The following TRPC7 variants were observed in gnomAD, a reference collection of about 807,000 sequenced individuals.
TRPC7 encodes transient receptor potential cation channel subfamily C member 7, also known as short transient receptor potential channel 7.
In TRPC7, 42 loss-of-function variants were observed where a neutral mutation model predicts 90.1. That is an observed-to-expected ratio of 0.47 (90% CI 0.36 to 0.60). TRPC7 has a LOEUF of 0.60. Among genes scored for constraint, TRPC7 ranks in the 20% least tolerant of loss-of-function variants. The probability of loss-of-function intolerance (pLI) is 0.00; values close to 1 mark genes in which losing one functional copy is unlikely to be tolerated. For synonymous variants in TRPC7, 451 were observed against 436.3 expected (o/e 1.03, Z -0.42); for missense variants, 955 against 1,112.3 (o/e 0.86, Z 2.01).
At chr5:136,365,159 G>A in intron 1 of TRPC7, 94 bp downstream of exon 1, 1 of 1,364,280 alleles carries the variant, frequency 7.3e-7, no homozygotes, top group Non-Finnish European at 1.0e-6. Flanking sequence ...GAGGAAGAAG[G>A]CTGATAAATG....
At chr5:136,313,921 G>A (rs968141924) in intron 3 of TRPC7, among the ~76,000 whole-genome samples, 1 of 152,136 alleles carries the variant, frequency 6.6e-6, no homozygotes, top group East Asian at 1.9e-4. Context: ...GGGCCATTTT[G>A]AACTTGGTAA....
At chr5:136,255,899 G>A (rs1756672799) in intron 5 of TRPC7, among the ~76,000 whole-genome samples, 1 of 152,148 alleles carries the variant, frequency 6.6e-6, no homozygotes, top group Non-Finnish European at 1.5e-5. Flanking sequence ...GTTCTTGACT[G>A]CTATACTCTT....
chr5:136,225,264 G>A lies in TRPC7; in HGVS notation c.2343+10C>T. The A allele has an allele frequency of 6.2e-7, 1 of 1,612,008 alleles. No individual in the cohort carries two copies. The highest frequency in any genetic ancestry group is 8.5e-7 in the Non-Finnish European group (1 of 1,179,084). ...GCCCATGCTTGGATGCTTGGGAAAG[G>A]GGTGGTTACCTGGTATCTGGTGGGC... On this transcript the variant is annotated intron_variant, in intron 10 of 11. Transcript: ENST00000513104.
chr5:136,302,030 A>C (rs1330769490), intron 3 of TRPC7, among the ~76,000 whole-genome samples: 1 of 151,394 alleles, frequency 6.6e-6, no homozygotes, highest in Admixed American at 6.6e-5. Flanking sequence ...CTATCCCTCA[A>C]CCTCTTTCTC....
chr5:136,310,937 G>A (rs937696968), intron 3 of TRPC7, among the ~76,000 whole-genome samples: 1 of 152,130 alleles, frequency 6.6e-6, no homozygotes, highest in East Asian at 1.9e-4. Context: ...CACCCTTGCT[G>A]GTGATACAGC....
At chr5:136,284,599 C>T (rs1757651666) in intron 3 of TRPC7, among the ~76,000 whole-genome samples, 1 of 152,216 alleles carries the variant, frequency 6.6e-6, no homozygotes, top group Non-Finnish European at 1.5e-5. Context: ...TCATTGCCCT[C>T]AATGCCTGTC....
intron 2 of TRPC7, among the ~76,000 whole-genome samples, chr5:136,321,755 A>C (rs1759206292): frequency 6.6e-6 from 1 of 152,166 alleles, no homozygotes; most frequent in Non-Finnish European, 1.5e-5. Flanking sequence ...CTTGCACTCC[A>C]GATAAAATCT....
intron 2 of TRPC7, among the ~76,000 whole-genome samples, chr5:136,342,227 C>T (rs994086512): frequency 1.3e-5 from 2 of 152,170 alleles, no homozygotes; most frequent in African/African-American, 2.4e-5. Flanking sequence ...GCATGGTCCC[C>T]CCAGGGGCTG....
intron 2 of TRPC7, among the ~76,000 whole-genome samples, chr5:136,331,789 C>T (rs554683904): frequency 6.6e-6 from 1 of 152,142 alleles, no homozygotes; most frequent in South Asian, 2.1e-4. Flanking sequence ...ACACACAAGT[C>T]AGTCATTTCA....
At chr5:136,337,343 C>T (rs1032436444) in intron 2 of TRPC7, among the ~76,000 whole-genome samples, 1 of 152,262 alleles carries the variant, frequency 6.6e-6, no homozygotes, top group Non-Finnish European at 1.5e-5. Context: ...CTGAACATTT[C>T]CTGGAGCTCA....
chr5:136,248,182 G>A (rs374761920), intron 6 of TRPC7, among the ~76,000 whole-genome samples: 1 of 152,206 alleles, frequency 6.6e-6, no homozygotes, highest in South Asian at 2.1e-4. Flanking sequence ...GGGAGGCAGC[G>A]CGAGGAATAA....
Position 136,331,161 on chromosome 5 carries a change from G to A in TRPC7, c.781-15382C>T, listed in dbSNP as rs183895208. On this transcript the variant is annotated intron_variant, in intron 2 of 11. Transcript: ENST00000513104. ...GCTTTTAACAAGCACATTTTCTGGG[G>A]TGTCTTTGCCCTGTTGGAGCTGAAG... 1.6e-4 allele frequency among the ~76,000 whole-genome samples: 24 copies of A among 152,206 alleles called. 1 individual carries two copies. The East Asian group carries it at 4.3e-3, about 27-fold the overall frequency.
intron 3 of TRPC7, among the ~76,000 whole-genome samples, chr5:136,276,128 T>C (rs1185642838): frequency 6.6e-6 from 1 of 152,208 alleles, no homozygotes; most frequent in Non-Finnish European, 1.5e-5. Context: ...TGGAAACTGG[T>C]AATAGGCAAT....
intron 1 of TRPC7, among the ~76,000 whole-genome samples, chr5:136,359,720 A>C (rs1203514789): frequency 6.6e-6 from 1 of 152,006 alleles, no homozygotes. Flanking sequence ...TGTATTCCCA[A>C]GAGGCTTTGT....
chr5:136,349,984 G>A (rs753138689), intron 2 of TRPC7, among the ~76,000 whole-genome samples: 1 of 152,056 alleles, frequency 6.6e-6, no homozygotes, highest in South Asian at 2.1e-4. Flanking sequence ...TATTACAGTT[G>A]TCTACAGTGT....
At chr5:136,273,846 G>T (rs897680188) in intron 4 of TRPC7, among the ~76,000 whole-genome samples, 1 of 152,150 alleles carries the variant, frequency 6.6e-6, no homozygotes, top group Admixed American at 6.5e-5. Context: ...ATTTCTGCAT[G>T]GTTTGGTCTT....
chr5:136,241,545 ACT>A (rs1756163173), intron 7 of TRPC7, among the ~76,000 whole-genome samples: 1 of 143,902 alleles, frequency 6.9e-6, no homozygotes, highest in South Asian at 2.2e-4. Context: ...TGAGAAAGGC[ACT>A]CTTTTCCTTC....
chr5:136,306,009 TG>T (rs2149834446), intron 3 of TRPC7, among the ~76,000 whole-genome samples: 1 of 152,300 alleles, frequency 6.6e-6, no homozygotes, highest in Non-Finnish European at 1.5e-5. Context: ...CAACTTAGAC[TG>T]TGCCCCAAAA....
chr5:136,357,595 G>T (rs1271866372), intron 1 of TRPC7, among the ~76,000 whole-genome samples: 3 of 152,174 alleles, frequency 2.0e-5, no homozygotes, highest in Non-Finnish European at 2.9e-5. Context: ...TGACTCAGTT[G>T]TCTGCCTCTA....
Sources: allele counts gnomAD v4.1 joint callset (sites outside exome capture counted in the v4.1 genomes callset), GRCh38; gene constraint gnomAD v4.1.1; transcripts MANE v1.5; gene names NCBI Gene and HGNC (gene_info 2026-07-23, HGNC 2026-07-21).